DNAH6: variants seen among roughly 807,000 people sequenced by gnomAD.
DNAH6 encodes dynein axonemal heavy chain 6.
Under a neutral mutation model 491.4 loss-of-function variants are expected in DNAH6, and 340 were observed. The observed-to-expected ratio is 0.69, with a 90% CI of 0.63 to 0.76. The LOEUF (loss-of-function observed/expected upper bound fraction) is 0.76. Ranked by LOEUF, DNAH6 falls within the 30% of genes least tolerant of loss-of-function variation. The probability of loss-of-function intolerance (pLI) is 0.00; values close to 1 mark genes in which losing one functional copy is unlikely to be tolerated. For missense variants in DNAH6, 4,443 were observed against 4,972.2 expected, an observed-to-expected ratio of 0.89 and a Z score of 3.20; for synonymous variants, 1,603 against 1,686.1, an observed-to-expected ratio of 0.95 and a Z score of 1.21.
At chr2:84,463,185 C>G in the DNAH6 span, among the ~76,000 whole-genome samples, 1 of 152,078 alleles carries the variant, frequency 6.6e-6, no homozygotes, top group Non-Finnish European at 1.5e-5. Flanking sequence ...AGATTGTATC[C>G]AAACCAAACC....
At chr2:84,590,221 C>T (rs1039043115) in intron 16 of DNAH6, among the ~76,000 whole-genome samples, 7 of 151,876 alleles carry the variant, frequency 4.6e-5, no homozygotes, top group South Asian at 2.1e-4. Context: ...CTTGGCTGGG[C>T]GCAGTGGCTC....
In DNAH6 at chr2:84,686,513, G is replaced by A. The variant is rs745734824; in HGVS notation, c.7093G>A (p.Glu2365Lys). 1.9e-6 allele frequency: 3 copies of A among 1,538,804 alleles called. No individual in the cohort carries two copies. The highest frequency in any genetic ancestry group is 4.0e-5 in the Admixed American group (2 of 50,190). ...NKHFGIAIDL[E>K]YFLNKPIIFG... ...ACATTTTGGAATTGCAATTGACCTGGAATATTTTTTGAATAAGCCCATCAT... is the reference window on the plus strand; with the variant it reads ...ACATTTTGGAATTGCAATTGACCTGAAATATTTTTTGAATAAGCCCATCAT... Residue 2365 changes from glutamate (E) to lysine (K), a missense_variant, in exon 44 of 77, where the codon GAA becomes AAA. Coordinates refer to ENST00000389394, the MANE Select transcript of DNAH6 (RefSeq NM_001370.2).
the DNAH6 span, among the ~76,000 whole-genome samples, chr2:84,461,686 A>G: frequency 1.2e-4 from 19 of 152,240 alleles, no homozygotes; most frequent in Admixed American, 8.5e-4. Context: ...GGTAGTTATT[A>G]TCATTAAAGA....
At chr2:84,487,024 C>T in the DNAH6 span, among the ~76,000 whole-genome samples, 1 of 152,054 alleles carries the variant, frequency 6.6e-6, no homozygotes, top group African/African-American at 2.4e-5. Context: ...CCAAAGGAGC[C>T]CAGAAAAACC....
chr2:84,713,491 C>G (rs1439688856), intron 57 of DNAH6, among the ~76,000 whole-genome samples: 1 of 152,264 alleles, frequency 6.6e-6, no homozygotes, highest in Non-Finnish European at 1.5e-5. Context: ...CCCCTACCCA[C>G]TGGGGCCCAG....
chr2:84,692,877 C>T (rs1229816732), intron 45 of DNAH6, among the ~76,000 whole-genome samples: 1 of 152,186 alleles, frequency 6.6e-6, no homozygotes, highest in Non-Finnish European at 1.5e-5. Context: ...ATGCCTGAAG[C>T]CAGCCTAAAA....
At chr2:84,493,708 C>T in the DNAH6 span, among the ~76,000 whole-genome samples, 1 of 152,082 alleles carries the variant, frequency 6.6e-6, no homozygotes, top group Non-Finnish European at 1.5e-5. Context: ...AAGGAATCGG[C>T]GCCAGAAGAC....
intron 21 of DNAH6, among the ~76,000 whole-genome samples, chr2:84,609,242 C>A (rs1367489236): frequency 2.0e-5 from 3 of 152,166 alleles, no homozygotes; most frequent in African/African-American, 4.8e-5. Context: ...ACTGAAGTTG[C>A]ATTTTTAATT....
rs1399219165 is a variant in DNAH6, at chr2:84,781,552, A to T, written c.10763A>T (p.Asp3588Val). ...CCTATTGCTGAAAAAATGGTCAAGG[A>T]TGCAATGAAATCAGGAAACTGGGTA... ...QGPIAEKMVK[D>V]AMKSGNWVFL... Residue 3588 changes from aspartate (D) to valine (V), a missense_variant, in exon 65 of 77, where the codon GAT becomes GTT. Physicochemically the swap from Asp to Val is radical, Grantham distance 152. Transcript: ENST00000389394. 3 of 1,551,690 alleles carry T rather than the reference A, an allele frequency of 1.9e-6. No individual in the cohort carries two copies. The highest frequency in any genetic ancestry group is 2.4e-5 in the East Asian group (1 of 40,914).
intron 14 of DNAH6, among the ~76,000 whole-genome samples, chr2:84,583,461 A>C (rs544959653): frequency 6.6e-6 from 1 of 152,274 alleles, no homozygotes; most frequent in East Asian, 1.9e-4. Context: ...TACCTGTATT[A>C]TAGCAATGAC....
At position 84,701,014 on chromosome 2, in the gene DNAH6, C is replaced by T. The variant is rs1265496157; in HGVS notation, c.7819-83C>T. 17 of 1,466,250 alleles carry T rather than the reference C, an allele frequency of 1.2e-5. No homozygotes were observed. In the African/African-American group the frequency reaches 1.3e-4, roughly 11 times the overall value. The allele number at this position is 1,466,250 out of a possible 1,614,324, so 90.8% of individuals were successfully genotyped here. ...AGGGGACTGGGCAGGGAGGAGTTCC[C>T]GAGAAATATGTTTTTCTTGGTATTA... On this transcript the variant is annotated intron_variant, in intron 48 of 76. Transcript: ENST00000389394.
chr2:84,761,743 G>T (rs113870914), intron 63 of DNAH6, among the ~76,000 whole-genome samples: 8 of 151,510 alleles, frequency 5.3e-5, no homozygotes, highest in African/African-American at 1.5e-4. Flanking sequence ...CCTAGACCAG[G>T]TTGGGACACC....
At chr2:84,797,510 A>G (rs1678470536) in intron 69 of DNAH6, 27 bp from the exon 70 acceptor site, 2 of 1,546,486 alleles carry the variant, frequency 1.3e-6, no homozygotes. Context: ...TTTGAGACAT[A>G]TTTGTCTTCT....
At chr2:84,577,067 C>A (rs150656497) in intron 12 of DNAH6, among the ~76,000 whole-genome samples, 190 bp from the exon 13 acceptor site, 63 of 152,208 alleles carry the variant, frequency 4.1e-4, no homozygotes, top group Middle Eastern at 3.4e-3. Flanking sequence ...GTTTCTTTAT[C>A]ACAAGAATAA....
chr2:84,732,117 A>G lies in DNAH6; in HGVS notation c.10207-1327A>G, dbSNP rs76992679. On this transcript the variant is annotated intron_variant, in intron 61 of 76. Transcript: ENST00000389394. ...GGTGTGGGGAGCCTCCACTAAAATA[A>G]TCCAGTCAGTTGTTAAACAAATAAG... Among the ~76,000 whole-genome samples, 389 of 152,294 alleles carry G rather than the reference A, an allele frequency of 2.6e-3. 10 individuals carry two copies. The East Asian group carries it at 0.064, about 25-fold the overall frequency.
At chr2:84,480,528 A>G in the DNAH6 span, among the ~76,000 whole-genome samples, 1 of 152,352 alleles carries the variant, frequency 6.6e-6, no homozygotes, top group Non-Finnish European at 1.5e-5. Flanking sequence ...TAAATGAAAT[A>G]ATCTATGTCA....
chr2:84,666,196 C>G (rs1400334168), intron 37 of DNAH6, among the ~76,000 whole-genome samples: 3 of 152,156 alleles, frequency 2.0e-5, no homozygotes, highest in East Asian at 3.8e-4. Context: ...TGGCACAAGA[C>G]AGGGTTGCCC....
In DNAH6 at chr2:84,525,579, C is replaced by A; in HGVS notation, c.240C>A (p.Val80=). The A allele has an allele frequency of 6.5e-7, 1 of 1,545,074 alleles. No homozygotes were observed. The highest frequency in any genetic ancestry group is 1.2e-5 in the South Asian group (1 of 82,434). ...IKLEPLPVLK[V]YQDHKQPEYI... ...ATTTCCCAAAGCCAGTGCTAAAAGT[C>A]TACCAAGATCATAAGCAGCCAGAAT... Residue 80 remains valine (V), a synonymous_variant, in exon 3 of 77, where the codon GTC becomes GTA. Transcript: ENST00000389394.
In DNAH6 at chr2:84,548,342, C is replaced by T. The variant is rs755669216; in HGVS notation, c.1241C>T (p.Pro414Leu). The T allele has an allele frequency of 3.1e-6, 5 of 1,613,800 alleles. No homozygotes were observed. In the South Asian group the frequency reaches 3.3e-5, roughly 11 times the overall value. The change falls in exon 8 of 77, where the codon CCC becomes CTC. Residue 414 changes from proline (P) to leucine (L), a missense_variant. Physicochemically the swap from Pro to Leu is moderately conservative, Grantham distance 98 (BLOSUM62 -3). Coordinates refer to ENST00000389394, the MANE Select transcript of DNAH6 (RefSeq NM_001370.2). ...TTCATTAATACACCACATGAGTTGC[C>T]CACTTATGGAGACTCTGAGAAAATG... ...GSFINTPHEL[P>L]TYGDSEKMTY...
Sources: gnomAD v4.1 joint callset for allele counts (sites outside exome capture counted in the v4.1 genomes callset) on GRCh38, gnomAD v4.1.1 for gene constraint, MANE v1.5 for transcripts, NCBI Gene and HGNC (gene_info 2026-07-23, HGNC 2026-07-21) for gene names.